The following RSPH9 variants were observed in gnomAD, a reference collection of about 807,000 sequenced individuals.
RSPH9 encodes radial spoke head component 9.
A neutral mutation model predicts 27.0 loss-of-function variants in RSPH9; 27 were observed. The observed-to-expected ratio is 1.00, with a 90% CI of 0.74 to 1.38. RSPH9 has a LOEUF of 1.38. RSPH9 is among the 40% of genes most tolerant of loss of function. The probability of loss-of-function intolerance (pLI) is 0.00; values close to 1 mark genes in which losing one functional copy is unlikely to be tolerated. For missense variants in RSPH9, 347 were observed against 357.4 expected, an observed-to-expected ratio of 0.97 and a Z score of 0.24; for synonymous variants, 145 against 147.7, an observed-to-expected ratio of 0.98 and a Z score of 0.13.
intron 1 of RSPH9, among the ~76,000 whole-genome samples, chr6:43,647,251 A>G (rs1404939979): frequency 6.6e-6 from 1 of 152,210 alleles, no homozygotes. Context: ...TTGGGAGAAC[A>G]GTAGTATGAT....
At chr6:43,659,512 A>G (rs1215983145) in intron 4 of RSPH9, among the ~76,000 whole-genome samples, 2 of 150,620 alleles carry the variant, frequency 1.3e-5, no homozygotes, top group Non-Finnish European at 2.9e-5. Flanking sequence ...CCTCCTGAGT[A>G]TCTGGGACTA....
At position 43,656,660 on chromosome 6, in the gene RSPH9, G is replaced by A. The variant is rs548415324; in HGVS notation, c.607G>A (p.Glu203Lys). 6.2e-7 allele frequency: 1 copy of A among 1,614,104 alleles called. No individual in the cohort carries two copies. Among genetic ancestry groups the A allele is most frequent in the Admixed American group, 1.7e-5 (1 of 59,998 alleles). The change falls in exon 4 of 5, where the codon GAG becomes AAG. Residue 203 changes from glutamate (E) to lysine (K), a missense_variant. Physicochemically the swap from Glu to Lys is moderately conservative, Grantham distance 56 (BLOSUM62 1). Transcript: ENST00000372163. ...TGAGCTAAAGAATAAGACCTTGCTT[G>A]AGAAGGCTGACCTGGACCCCTCCCT... ...PVELKNKTLL[E>K]KADLDPSLDF...
chr6:43,658,581 C>T lies in RSPH9; in HGVS notation c.670+1858C>T, dbSNP rs1476493723. Among the ~76,000 whole-genome samples the T allele has an allele frequency of 7.9e-5, 12 of 152,058 alleles. 1 individual carries two copies. In the South Asian group the frequency reaches 1.5e-3, roughly 18 times the overall value. On this transcript the variant is annotated intron_variant, in intron 4 of 4. Coordinates refer to ENST00000372163, the MANE Select transcript of RSPH9 (RefSeq NM_152732.5). ...CTGGTGGAGGGTCTTTGCTCTGTCG[C>T]CTGGGCTGGAGTGCAGTGGCGCAAT...
Position 43,655,640 on chromosome 6 carries a change from G to T in RSPH9, c.472G>T (p.Ala158Ser), listed in dbSNP as rs147146440. The T allele has an allele frequency of 1.9e-6, 3 of 1,614,216 alleles. No individual in the cohort carries two copies. The highest frequency in any genetic ancestry group is 1.6e-4 in the Middle Eastern group (1 of 6,062). The change falls in exon 3 of 5, where the codon GCC (alanine) becomes TCC (serine). Residue 158 changes from alanine to serine, a missense_variant. Transcript: ENST00000372163. Reference sequence around the variant, plus strand: ...GGCTGTGGCCATCATCCCCCGAGGCGCCCTCTTCAAGACCCCTTTTGGACC... The same window carrying T: ...GGCTGTGGCCATCATCCCCCGAGGCTCCCTCTTCAAGACCCCTTTTGGACC... Reference protein sequence around the residue: ...DKAVAIIPRGALFKTPFGPTH... With the variant: ...DKAVAIIPRGSLFKTPFGPTH...
intron 2 of RSPH9, among the ~76,000 whole-genome samples, chr6:43,652,163 G>A (rs55874455): frequency 3.3e-5 from 5 of 151,374 alleles, no homozygotes; most frequent in East Asian, 4.1e-4. Flanking sequence ...AAAATTAGCC[G>A]GGTGTGGTGG....
rs150333200 is a variant in RSPH9, at chr6:43,671,787, C to G, written c.*838C>G. 6.2e-6 allele frequency: 10 copies of G among 1,614,090 alleles called. No homozygotes were observed. The highest frequency in any genetic ancestry group is 8.5e-6 in the Non-Finnish European group (10 of 1,180,038). The stretch of plus-strand genomic sequence containing the variant: ...TCAGTGATACAGCTTCCAAGGTGTT[C>G]TTGAGTAGCAGACATTGTCCCTCAG... On this transcript the variant is annotated 3_prime_UTR_variant, in exon 5 of 5. Transcript: ENST00000372163.
At chr6:43,666,935 G>A (rs1773197785) in intron 4 of RSPH9, among the ~76,000 whole-genome samples, 1 of 152,122 alleles carries the variant, frequency 6.6e-6, no homozygotes, top group Non-Finnish European at 1.5e-5. Flanking sequence ...GCAGAGATGA[G>A]GTTTCACCAT....
chr6:43,662,116 C>A (rs563466230), intron 4 of RSPH9, among the ~76,000 whole-genome samples: 38 of 152,176 alleles, frequency 2.5e-4, no homozygotes, highest in African/African-American at 8.7e-4. Flanking sequence ...TGGGCTCAAG[C>A]CATCCTCCTG....
At chr6:43,646,335 C>T (rs1381576849) in intron 1 of RSPH9, among the ~76,000 whole-genome samples, 1 of 151,580 alleles carries the variant, frequency 6.6e-6, no homozygotes, top group African/African-American at 2.4e-5. Context: ...GGGGTTTCAC[C>T]GTGTTAGCTA....
intron 1 of RSPH9, among the ~76,000 whole-genome samples, chr6:43,646,383 C>T (rs1770870940): frequency 6.6e-6 from 1 of 151,922 alleles, no homozygotes; most frequent in East Asian, 2.0e-4. Flanking sequence ...ATCCGTCCGC[C>T]TCAGCCTCCC....
At chr6:43,668,985 A>G (rs1561946091) in intron 4 of RSPH9, among the ~76,000 whole-genome samples, 1 of 152,094 alleles carries the variant, frequency 6.6e-6, no homozygotes, top group Non-Finnish European at 1.5e-5. Flanking sequence ...TCAATCCTAA[A>G]CAATCTGTTT....
At chr6:43,662,642 C>T (rs1311659509) in intron 4 of RSPH9, among the ~76,000 whole-genome samples, 1 of 152,142 alleles carries the variant, frequency 6.6e-6, no homozygotes, top group African/African-American at 2.4e-5. Context: ...GCTGGGATTA[C>T]AGGCGTGAGC....
chr6:43,660,859 A>G (rs536334303), intron 4 of RSPH9, among the ~76,000 whole-genome samples: 6 of 150,972 alleles, frequency 4.0e-5, no homozygotes, highest in Non-Finnish European at 7.4e-5. Context: ...ATCATTATCT[A>G]TGGCAGTTAT....
chr6:43,671,796 C>T lies in RSPH9; in HGVS notation c.*847C>T, dbSNP rs1582404710. 1 of 1,614,208 alleles carries T rather than the reference C, an allele frequency of 6.2e-7. No individual in the cohort carries two copies. The highest frequency in any genetic ancestry group is 1.1e-5 in the South Asian group (1 of 91,088). ...CAGCTTCCAAGGTGTTCTTGAGTAGCAGACATTGTCCCTCAGAAGGGGTGA... is the reference window on the plus strand; with the variant it reads ...CAGCTTCCAAGGTGTTCTTGAGTAGTAGACATTGTCCCTCAGAAGGGGTGA... On this transcript the variant is annotated 3_prime_UTR_variant, in exon 5 of 5. Coordinates refer to ENST00000372163, the MANE Select transcript of RSPH9 (RefSeq NM_152732.5).
At position 43,671,998 on chromosome 6, in the gene RSPH9, G is replaced by C; in HGVS notation, c.*1049G>C. The stretch of plus-strand genomic sequence containing the variant: ...GCACTACCTCCTCAGGCCAGGCCAC[G>C]GTTGGGCAAGCAAATCCTTTCACCA... On this transcript the variant is annotated 3_prime_UTR_variant, in exon 5 of 5. Transcript: ENST00000372163. 7.2e-7 allele frequency: 1 copy of C among 1,383,558 alleles called. No homozygotes were observed. The highest frequency in any genetic ancestry group is 9.6e-7 in the Non-Finnish European group (1 of 1,040,384). The allele number at this position is 1,383,558 out of a possible 1,614,324, so 85.7% of individuals were successfully genotyped here.
chr6:43,650,489 T>G lies in RSPH9; in HGVS notation c.342T>G (p.Thr114=). 6.2e-7 allele frequency: 1 copy of G among 1,614,080 alleles called. No individual in the cohort carries two copies. The highest frequency in any genetic ancestry group is 8.5e-7 in the Non-Finnish European group (1 of 1,180,018). The change falls in exon 2 of 5, where the codon ACT becomes ACG. Residue 114 remains threonine (T), a synonymous_variant. Transcript: ENST00000372163. ...ACCCATCATACGAATATGAACACACTGAGCTGCAGAAGGTGAATGAAGGTG... is the reference window on the plus strand; with the variant it reads ...ACCCATCATACGAATATGAACACACGGAGCTGCAGAAGGTGAATGAAGGTG... The part of the protein sequence containing the change: ...MGDPSYEYEH[T]ELQKVNEGEK...
intron 4 of RSPH9, among the ~76,000 whole-genome samples, chr6:43,664,538 G>T (rs1421637381): frequency 1.3e-5 from 2 of 152,232 alleles, no homozygotes. Flanking sequence ...CACAGGTGGA[G>T]CGAGACAGGG....
At chr6:43,650,836 G>T (rs931213231) in intron 2 of RSPH9, among the ~76,000 whole-genome samples, 1 of 151,482 alleles carries the variant, frequency 6.6e-6, no homozygotes, top group East Asian at 1.9e-4. Flanking sequence ...AACCCAGGAG[G>T]TGAGCTTGCA....
At chr6:43,651,705 C>A (rs770566081) in intron 2 of RSPH9, among the ~76,000 whole-genome samples, 2 of 151,854 alleles carry the variant, frequency 1.3e-5, no homozygotes, top group Middle Eastern at 3.2e-3. Context: ...CCTGATGCCA[C>A]ACCCAGCTAA....
Sources: gnomAD v4.1 joint callset for allele counts (sites outside exome capture counted in the v4.1 genomes callset) on GRCh38, gnomAD v4.1.1 for gene constraint, MANE v1.5 for transcripts, NCBI Gene and HGNC (gene_info 2026-07-23, HGNC 2026-07-21) for gene names.